CDH12: variants seen among roughly 807,000 people sequenced by gnomAD.
CDH12 encodes the protein cadherin 12, also known as cadherin-12.
A neutral mutation model predicts 74.1 loss-of-function variants in CDH12; 41 were observed. The ratio of observed to expected loss-of-function variants is 0.55; its 90% CI spans 0.43 to 0.72. The LOEUF is 0.72. Ranked by LOEUF, CDH12 falls within the 30% of genes least tolerant of loss-of-function variation. CDH12 has a pLI of 0.00. For synonymous variants in CDH12, 399 were observed against 355.0 expected, an observed-to-expected ratio of 1.12 and a Z score of -1.39; for missense variants, 945 against 977.2, an observed-to-expected ratio of 0.97 and a Z score of 0.44.
chr5:22,103,050 T>G (rs1744240966), intron 4 of CDH12, among the ~76,000 whole-genome samples: 1 of 152,184 alleles, frequency 6.6e-6, no homozygotes, highest in Non-Finnish European at 1.5e-5. Flanking sequence ...TTTCCCACTC[T>G]GCTGATTAAT....
intron 5 of CDH12, among the ~76,000 whole-genome samples, chr5:22,045,527 A>T (rs1359971370): frequency 6.6e-6 from 1 of 152,016 alleles, no homozygotes; most frequent in Non-Finnish European, 1.5e-5. Flanking sequence ...CAAGATATCT[A>T]ATCAACTTTA....
chr5:22,588,607 G>T (rs570312509), intron 1 of CDH12, among the ~76,000 whole-genome samples: 1 of 151,836 alleles, frequency 6.6e-6, no homozygotes, highest in African/African-American at 2.4e-5. Context: ...ATATTTTTGG[G>T]AAAAAAACAT....
At chr5:21,764,900 A>G in intron 12 of CDH12, 78 bp downstream of exon 12, 1 of 1,351,818 alleles carries the variant, frequency 7.4e-7, no homozygotes, top group Middle Eastern at 1.8e-4. Flanking sequence ...ATGTGTGCAT[A>G]TTCATGTCTG....
At chr5:22,307,608 A>G (rs1738168913) in intron 3 of CDH12, among the ~76,000 whole-genome samples, 1 of 152,164 alleles carries the variant, frequency 6.6e-6, no homozygotes, top group Non-Finnish European at 1.5e-5. Flanking sequence ...AGACCATTTG[A>G]CATAAATAAT....
At chr5:22,841,285 G>A (rs746198546) in intron 1 of CDH12, among the ~76,000 whole-genome samples, 54 of 152,272 alleles carry the variant, frequency 3.5e-4, no homozygotes, top group Non-Finnish European at 6.6e-4. Context: ...GATATGCAAT[G>A]TGAGTGAAAT....
intron 10 of CDH12, among the ~76,000 whole-genome samples, chr5:21,794,261 C>T (rs1746657766): frequency 1.3e-5 from 2 of 151,522 alleles, no homozygotes; most frequent in Admixed American, 1.3e-4. Context: ...ATTTTTTCTT[C>T]TTCTCTTTCT....
intron 1 of CDH12, among the ~76,000 whole-genome samples, chr5:22,529,225 A>AGAGAGAAG (rs1737473223): frequency 7.3e-6 from 1 of 136,518 alleles, no homozygotes; most frequent in African/African-American, 2.7e-5. Flanking sequence ...AGAGAGAGAG[A>AGAGAGAAG]AGAGAGAGAG....
At chr5:22,073,532 T>C (rs562369245) in intron 5 of CDH12, among the ~76,000 whole-genome samples, 1 of 152,280 alleles carries the variant, frequency 6.6e-6, no homozygotes, top group Admixed American at 6.6e-5. Flanking sequence ...TTTGAGCAAC[T>C]GGTAACATAT....
In CDH12 at chr5:21,768,844, T is replaced by C. The variant is rs549535950; in HGVS notation, c.1394-3745A>G. ...TCACAAAAGCCAAAATCACTGACTA[T>C]TGTTTCTTATAAACATAAATACAAA... On this transcript the variant is annotated intron_variant, in intron 11 of 14. Transcript: ENST00000382254. Among the ~76,000 whole-genome samples the C allele has an allele frequency of 3.9e-5, 6 of 152,160 alleles. No homozygotes were observed. The East Asian group carries it at 9.6e-4, about 24-fold the overall frequency.
At position 21,975,342 on chromosome 5, in the gene CDH12, G is replaced by T. The variant is rs1294788946; in HGVS notation, c.275C>A (p.Thr92Asn). 6 of 1,597,110 alleles carry T rather than the reference G, an allele frequency of 3.8e-6. No individual in the cohort carries two copies. The highest frequency in any genetic ancestry group is 5.1e-6 in the Non-Finnish European group (6 of 1,179,524). Residue 92 changes from threonine (T) to asparagine (N), a missense_variant, in exon 6 of 15, where the codon ACC (threonine) becomes AAC (asparagine). Transcript: ENST00000382254. ...GGTGCCAGCGCCATCTCCTGAGAGG[G>T]TGTATTTCACAGTGCCCTCTCCCTT... is the stretch of plus-strand genomic sequence containing the variant. ...LDKGEGTVKY[T>N]LSGDGAGTVF...
chr5:22,421,584 T>C (rs1412923642), intron 2 of CDH12, among the ~76,000 whole-genome samples: 1 of 145,286 alleles, frequency 6.9e-6, no homozygotes, highest in Non-Finnish European at 1.6e-5. Flanking sequence ...ATCCAGTCTA[T>C]CACTGACAGG....
chr5:22,650,040 G>C (rs183421053), intron 1 of CDH12, among the ~76,000 whole-genome samples: 408 of 152,068 alleles, frequency 2.7e-3, no homozygotes, highest in African/African-American at 8.7e-3. Context: ...TTAAATGGGT[G>C]CAAAATTAAA....
intron 5 of CDH12, among the ~76,000 whole-genome samples, chr5:22,026,712 C>A (rs1738383892): frequency 6.6e-6 from 1 of 152,078 alleles, no homozygotes; most frequent in South Asian, 2.1e-4. Context: ...TGTGTGAGCC[C>A]TGACAACACT....
In CDH12 at chr5:22,081,615, G is replaced by T. The variant is rs115175027; in HGVS notation, c.-186-2753C>A. On this transcript the variant is annotated intron_variant, in intron 4 of 14. Transcript: ENST00000382254. ...TCTTTCACTATTTTGGGGATGTGAG[G>T]TATCAACACTCAGACTTTAGAGAAC... 7.3e-3 allele frequency among the ~76,000 whole-genome samples: 1,107 copies of T among 152,226 alleles called. 12 individuals are homozygous for T. The highest frequency in any genetic ancestry group is 0.026 in the African/African-American group (1,062 of 41,542).
At chr5:22,496,833 C>A (rs936551105) in intron 2 of CDH12, among the ~76,000 whole-genome samples, 1 of 152,116 alleles carries the variant, frequency 6.6e-6, no homozygotes, top group African/African-American at 2.4e-5. Flanking sequence ...TATTTTTCTT[C>A]ATTCCTCTGA....
At chr5:22,153,983 GATATATATGT>G (rs1398883646) in intron 4 of CDH12, among the ~76,000 whole-genome samples, 1 of 145,296 alleles carries the variant, frequency 6.9e-6, no homozygotes, top group Non-Finnish European at 1.5e-5. Context: ...TACATGCACA[GATATATATGT>G]ATATATATGT....
intron 5 of CDH12, among the ~76,000 whole-genome samples, chr5:22,046,426 A>ATTTTTTTTTTTT (rs1739955012): frequency 3.9e-5 from 5 of 127,464 alleles, no homozygotes; most frequent in African/African-American, 1.9e-4. Context: ...TGGTCATTTA[A>ATTTTTTTTTTTT]TTTCTTTTTT....
chr5:21,756,959 T>A (rs971937555), intron 13 of CDH12, among the ~76,000 whole-genome samples: 74 of 152,264 alleles, frequency 4.9e-4, no homozygotes, highest in African/African-American at 1.8e-3. Flanking sequence ...TGGATATTAA[T>A]TGAATCAACA....
intron 2 of CDH12, among the ~76,000 whole-genome samples, chr5:22,502,012 C>G (rs1279103123): frequency 6.6e-6 from 1 of 152,118 alleles, no homozygotes; most frequent in African/African-American, 2.4e-5. Flanking sequence ...GCCTCTGTGT[C>G]AGTGAAAAGC....
Sources: allele counts gnomAD v4.1 joint callset (sites outside exome capture counted in the v4.1 genomes callset), GRCh38; gene constraint gnomAD v4.1.1; transcripts MANE v1.5; gene names NCBI Gene and HGNC (gene_info 2026-07-23, HGNC 2026-07-21).